Variants in CREB5 observed in about 807,000 individuals in gnomAD.
The protein encoded by CREB5 is cAMP responsive element binding protein 5.
CREB5 carries 19 observed loss-of-function variants against 57.1 expected under a neutral mutation model. That is an observed-to-expected ratio of 0.33 (90% confidence interval 0.23 to 0.49). The LOEUF (loss-of-function observed/expected upper bound fraction) is 0.49. Among genes scored for constraint, CREB5 ranks in the 20% least tolerant of loss-of-function variants. The probability of loss-of-function intolerance (pLI) is 0.99; values close to 1 mark genes in which losing one functional copy is unlikely to be tolerated. For synonymous variants in CREB5, 238 were observed against 238.3 expected (o/e 1.00, Z 0.01); for missense variants, 579 against 671.6 (o/e 0.86, Z 1.52).
At chr7:28,456,412 T>G (rs1304502722) in intron 1 of CREB5, among the ~76,000 whole-genome samples, 1 of 152,192 alleles carries the variant, frequency 6.6e-6, no homozygotes, top group African/African-American at 2.4e-5. Flanking sequence ...TTATTTCCTT[T>G]GCTCTTGGAA....
At chr7:28,612,693 T>C (rs1797442001) in intron 5 of CREB5, among the ~76,000 whole-genome samples, 1 of 151,984 alleles carries the variant, frequency 6.6e-6, no homozygotes, top group South Asian at 2.1e-4. Context: ...TAATGTATGC[T>C]ATAGCTTTTA....
chr7:28,589,428 C>T (rs368089737), intron 5 of CREB5, among the ~76,000 whole-genome samples: 2 of 152,106 alleles, frequency 1.3e-5, no homozygotes, highest in Admixed American at 6.5e-5. Flanking sequence ...GTGGCAGGTG[C>T]CTGTAGTCCC....
At chr7:28,612,584 G>GTGTGTGTA (rs1797435857) in intron 5 of CREB5, among the ~76,000 whole-genome samples, 1 of 145,074 alleles carries the variant, frequency 6.9e-6, no homozygotes, top group Non-Finnish European at 1.5e-5. Flanking sequence ...GTGTGTGTGT[G>GTGTGTGTA]TGTGTAAGGA....
Position 28,804,227 on chromosome 7 carries a change from C to T in CREB5, c.731C>T (p.Pro244Leu), listed in dbSNP as rs753340124. ...MRLKAALTHH[P>L]AAMSNGNMNT... ...TTGAAGGCTGCATTGACTCACCACC[C>T]TGCTGCCATGTCAAATGGGAACATG... is the stretch of plus-strand genomic sequence containing the variant. Residue 244 changes from proline to leucine, a missense_variant, in exon 8 of 11, where the codon CCT becomes CTT. By Grantham distance (98) the Pro-to-Leu change is moderately conservative. Transcript: ENST00000357727. 6.2e-7 allele frequency: 1 copy of T among 1,613,944 alleles called. No individual in the cohort carries two copies. Among genetic ancestry groups the T allele is most frequent in the Non-Finnish European group, 8.5e-7 (1 of 1,179,840 alleles).
chr7:28,667,591 A>G (rs891454049), intron 5 of CREB5, among the ~76,000 whole-genome samples: 3 of 140,344 alleles, frequency 2.1e-5, no homozygotes, highest in African/African-American at 7.9e-5. Flanking sequence ...TAAAAAAATA[A>G]AAGAGAGAAA....
At chr7:28,630,898 G>A (rs183372997) in intron 5 of CREB5, among the ~76,000 whole-genome samples, 1 of 152,312 alleles carries the variant, frequency 6.6e-6, no homozygotes. Flanking sequence ...GGCAGAGTAT[G>A]TATGGTACAG....
At chr7:28,727,916 CA>C (rs918993893) in intron 7 of CREB5, among the ~76,000 whole-genome samples, 1 of 151,480 alleles carries the variant, frequency 6.6e-6, no homozygotes, top group African/African-American at 2.4e-5. Flanking sequence ...AGCCCCACAA[CA>C]GAGATATTGT....
rs576188008 is a variant in CREB5 at position 28,731,908 on chromosome 7, G to A, written c.702+7576G>A. ...TGACTTGGCTTATTTGCCAGCCAGC[G>A]TACGAATACATGCTGAGGATTTCAT... is the stretch of plus-strand genomic sequence containing the variant. On this transcript the variant is annotated intron_variant, in intron 7 of 10. Transcript: ENST00000357727. Among the ~76,000 whole-genome samples the A allele has an allele frequency of 6.2e-4, 95 of 152,220 alleles. 1 individual carries two copies. Among genetic ancestry groups the A allele is most frequent in the Non-Finnish European group, 1.0e-3 (68 of 68,008 alleles).
At chr7:28,675,159 A>C (rs2128721414) in intron 5 of CREB5, among the ~76,000 whole-genome samples, 1 of 152,260 alleles carries the variant, frequency 6.6e-6, no homozygotes, top group Admixed American at 6.5e-5. Context: ...CACCACATCC[A>C]ATGCTCCCTC....
intron 4 of CREB5, among the ~76,000 whole-genome samples, chr7:28,565,379 A>G (rs1449914785): frequency 6.6e-6 from 1 of 152,180 alleles, no homozygotes; most frequent in Non-Finnish European, 1.5e-5. Context: ...GTTCGGACAG[A>G]AGGTCATATC....
intron 5 of CREB5, among the ~76,000 whole-genome samples, chr7:28,700,104 A>G (rs552273695): frequency 2.4e-4 from 36 of 152,332 alleles, no homozygotes; most frequent in South Asian, 1.7e-3. Context: ...TTATTAAGCT[A>G]TGAATGACAG....
chr7:28,371,562 G>C (rs1786706576), intron 1 of CREB5, among the ~76,000 whole-genome samples: 1 of 151,570 alleles, frequency 6.6e-6, no homozygotes, highest in Admixed American at 6.6e-5. Context: ...GCTGGAACAG[G>C]TCTTCAGCCC....
chr7:28,490,737 A>G (rs1791762504), intron 2 of CREB5, among the ~76,000 whole-genome samples: 1 of 152,178 alleles, frequency 6.6e-6, no homozygotes, highest in Non-Finnish European at 1.5e-5. Context: ...ACATTGCCAA[A>G]TGTCCCCTGT....
chr7:28,724,924 G>T (rs1230473841), intron 7 of CREB5, among the ~76,000 whole-genome samples: 1 of 152,192 alleles, frequency 6.6e-6, no homozygotes, highest in Non-Finnish European at 1.5e-5. Context: ...TCCAATCACA[G>T]ATAGAGTTAT....
chr7:28,685,615 T>C (rs1213255757), intron 5 of CREB5, among the ~76,000 whole-genome samples: 8 of 150,220 alleles, frequency 5.3e-5, no homozygotes, highest in Non-Finnish European at 1.0e-4. Context: ...TGCTTCCCCA[T>C]CTCTACACGT....
At chr7:28,617,804 T>C (rs1797646817) in intron 5 of CREB5, among the ~76,000 whole-genome samples, 1 of 152,198 alleles carries the variant, frequency 6.6e-6, no homozygotes, top group South Asian at 2.1e-4. Context: ...GCCATGAAAT[T>C]CTAGGTTCAA....
Position 28,412,877 on chromosome 7 carries a change from GC to G in CREB5, c.-37del. On this transcript the variant is annotated 5_prime_UTR_variant, in exon 1 of 11. Coordinates refer to ENST00000357727, the MANE Select transcript of CREB5 (RefSeq NM_182898.4). ...GAAGAAAAAACTTGATTTGGTGACTGCAGGAAGCAACACGTTGCTGCTTTTA... is the reference window on the plus strand; with the variant it reads ...GAAGAAAAAACTTGATTTGGTGACTGAGGAAGCAACACGTTGCTGCTTTTA... 1 of 1,483,402 alleles carries G rather than the reference GC, an allele frequency of 6.7e-7. No homozygotes were observed. The highest frequency in any genetic ancestry group is 1.5e-5 in the South Asian group (1 of 65,900). The allele number at this position is 1,483,402 out of a possible 1,614,324, so 91.9% of individuals were successfully genotyped here.
intron 1 of CREB5, among the ~76,000 whole-genome samples, chr7:28,445,620 C>T (rs1009666639): frequency 1.4e-4 from 22 of 151,850 alleles, no homozygotes; most frequent in African/African-American, 2.9e-4. Context: ...GGCGCGATCT[C>T]GGCTCACTGC....
intron 1 of CREB5, among the ~76,000 whole-genome samples, chr7:28,457,518 T>A (rs177577): frequency 0.63 from 96,219 of 151,624 alleles, 31,386 homozygotes; most frequent in Middle Eastern, 0.84. Flanking sequence ...CTTAAAAAAA[T>A]TTTTTTTGAG....
Sources: gnomAD v4.1 joint callset for allele counts (sites outside exome capture counted in the v4.1 genomes callset) on GRCh38, gnomAD v4.1.1 for gene constraint, MANE v1.5 for transcripts, NCBI Gene and HGNC (gene_info 2026-07-23, HGNC 2026-07-21) for gene names.